Variants in DOK7 observed in about 807,000 individuals in gnomAD.
DOK7 encodes the protein docking protein 7.
Under a neutral mutation model 30.7 loss-of-function variants are expected in DOK7, and 32 were observed. The ratio of observed to expected loss-of-function variants is 1.04; its 90% CI spans 0.79 to 1.40. DOK7 has a LOEUF of 1.40. DOK7 is among the 40% of genes most tolerant of loss of function. DOK7 has a pLI of 0.00. For synonymous variants in DOK7, 447 were observed against 324.1 expected (o/e 1.38, Z -4.07); for missense variants, 1,007 against 699.2 (o/e 1.44, Z -4.97).
chr4:3,499,709 G>T (rs1487550256), intron 6 of DOK7, among the ~76,000 whole-genome samples: 1 of 152,120 alleles, frequency 6.6e-6, no homozygotes, highest in Non-Finnish European at 1.5e-5. Flanking sequence ...GTGTCCTGGA[G>T]GGGATGCAGA....
intron 2 of DOK7, 68 bp from the exon 3 acceptor site, chr4:3,473,338 C>A (rs1392723371): frequency 2.6e-6 from 4 of 1,528,724 alleles, no homozygotes; most frequent in Non-Finnish European, 3.6e-6. Context: ...GTCACGGCCT[C>A]CCCGGGGACG....
chr4:3,478,743 G>A (rs61590801), intron 4 of DOK7, among the ~76,000 whole-genome samples: 11,348 of 152,248 alleles, frequency 0.075, 822 homozygotes, highest in African/African-American at 0.18. Context: ...AGGCCAGGCT[G>A]GAAGGCTTGG....
At chr4:3,465,584 T>C (rs1038743568) in intron 2 of DOK7, among the ~76,000 whole-genome samples, 5 of 152,246 alleles carry the variant, frequency 3.3e-5, no homozygotes, top group Non-Finnish European at 7.3e-5. Context: ...GGCACCTTTC[T>C]CCTCCTTGCG....
At chr4:3,471,077 C>A (rs1299791639) in intron 2 of DOK7, among the ~76,000 whole-genome samples, 2 of 152,216 alleles carry the variant, frequency 1.3e-5, no homozygotes, top group Non-Finnish European at 2.9e-5. Flanking sequence ...CAGTGTGTGC[C>A]CCTTGCTGAG....
At chr4:3,484,784 C>G (rs3827767) in intron 4 of DOK7, 1 of 985,436 alleles carries the variant, frequency 1.0e-6, no homozygotes, top group South Asian at 4.7e-5. Context: ...GAAAGATGAC[C>G]GAGGAGGTGG....
chr4:3,490,302 G>A (rs1297799147), intron 6 of DOK7, among the ~76,000 whole-genome samples: 6 of 50,722 alleles, frequency 1.2e-4, no homozygotes, highest in Admixed American at 7.8e-4. Flanking sequence ...TTCTTCCTCC[G>A]CCCCCCCGGC....
Position 3,493,618 on chromosome 4 carries a change from G to A in DOK7, c.*117G>A. 2 of 1,504,560 alleles carry A rather than the reference G, an allele frequency of 1.3e-6. No homozygotes were observed. Among genetic ancestry groups the A allele is most frequent in the Non-Finnish European group, 1.8e-6 (2 of 1,123,870 alleles). The allele number at this position is 1,504,560 out of a possible 1,614,324, so 93.2% of individuals were successfully genotyped here. A position where few individuals can be genotyped will look rare whatever the true frequency, so the allele number is the denominator to read the frequency against. On this transcript the variant is annotated 3_prime_UTR_variant, in exon 7 of 7. Transcript: ENST00000340083. ...TCTGTGTTCTGTGGGAGGGACCGGG[G>A]GTCTCCCGGAGAGGGGAGCTGGAGG...
At chr4:3,492,146 G>A (rs1488005821) in intron 6 of DOK7, among the ~76,000 whole-genome samples, 1 of 152,220 alleles carries the variant, frequency 6.6e-6, no homozygotes, top group Admixed American at 6.5e-5. Flanking sequence ...GAGCACGGGA[G>A]GGGCCTGGCC....
chr4:3,463,582 C>T, intron 2 of DOK7, 31 bp downstream of exon 2: 1 of 1,016,154 alleles, frequency 9.8e-7, no homozygotes, highest in Non-Finnish European at 1.4e-6. Context: ...ACGGGGGGCG[C>T]GGGGGTAGCG....
At chr4:3,465,403 G>A (rs751668952) in intron 2 of DOK7, among the ~76,000 whole-genome samples, 5 of 152,212 alleles carry the variant, frequency 3.3e-5, no homozygotes, top group African/African-American at 4.8e-5. Flanking sequence ...TGGGCCCGGC[G>A]TGGAGGGAGC....
Position 3,492,688 on chromosome 4 carries a change from C to T in DOK7, c.773-71C>T, listed in dbSNP as rs1728559584. The T allele has an allele frequency of 7.5e-6, 12 of 1,590,918 alleles. No homozygotes were observed. In the South Asian group the frequency reaches 1.0e-4, roughly 13 times the overall value. On this transcript the variant is annotated intron_variant, in intron 6 of 6. Coordinates refer to ENST00000340083, the MANE Select transcript of DOK7 (RefSeq NM_173660.5). ...GAGAGTGCTGGCCTGTGGGGGTCCA[C>T]CAGGCATCAGCCACGTCCTGCCCAG... is the stretch of plus-strand genomic sequence containing the variant.
At position 3,493,130 on chromosome 4, in the gene DOK7, G is replaced by A. The variant is rs560463670; in HGVS notation, c.1144G>A (p.Glu382Lys). ...CAGCCTGCCAGCAGCGGGGGCCCCC[G>A]AGCCCAGCCTGTGCACCTGCCTGCC... ...LLSLPAAGAP[E>K]PSLCTCLPGT... Residue 382 changes from glutamate to lysine, a missense_variant, in exon 7 of 7, where the codon GAG becomes AAG. Glu to Lys is a moderately conservative substitution (Grantham distance 56). Transcript: ENST00000340083. The A allele has an allele frequency of 3.5e-4, 563 of 1,595,634 alleles. 4 individuals are homozygous for A. The South Asian group carries it at 4.2e-3, about 12-fold the overall frequency.
At position 3,480,697 on chromosome 4, in the gene DOK7, C is replaced by T. The variant is rs188263420; in HGVS notation, c.532+4155C>T. ...TGCCCAGCTCTGGAGAGCCCCCTGC[C>T]GGCCACCTTTGGCCACTGCAGCCTG... On this transcript the variant is annotated intron_variant, in intron 4 of 6. Transcript: ENST00000340083. Among the ~76,000 whole-genome samples, 292 of 152,364 alleles carry T rather than the reference C, an allele frequency of 1.9e-3. 2 individuals carry two copies. The highest frequency in any genetic ancestry group is 0.014 in the East Asian group (71 of 5,188).
downstream of DOK7, among the ~76,000 whole-genome samples, chr4:3,495,694 T>C (rs555920553): frequency 1.3e-5 from 2 of 152,212 alleles, no homozygotes; most frequent in African/African-American, 2.4e-5. Flanking sequence ...CTGGTTCTGT[T>C]TTCTTGACGG....
chr4:3,483,124 C>G, intron 4 of DOK7, among the ~76,000 whole-genome samples: 1 of 82,338 alleles, frequency 1.2e-5, no homozygotes, highest in Non-Finnish European at 2.4e-5. Flanking sequence ...AGGGTGGGGA[C>G]GGCAGCCTCC....
chr4:3,465,467 G>C, intron 2 of DOK7, among the ~76,000 whole-genome samples: 1 of 152,232 alleles, frequency 6.6e-6, no homozygotes, highest in South Asian at 2.1e-4. Flanking sequence ...CTGGTGTGAG[G>C]GAGAGAGGAA....
intron 6 of DOK7, among the ~76,000 whole-genome samples, chr4:3,490,082 A>ACCCCCTCATTCATTCCTTTCTTCC (rs1728121807): frequency 1.5e-5 from 1 of 67,004 alleles, no homozygotes. Flanking sequence ...TCCTTTCTTC[A>ACCCCCTCATTCATTCCTTTCTTCC]CCCCCTCATT....
exon 8 of DOK7, chr4:3,501,003 A>G (rs1729160132): frequency 1.0e-6 from 1 of 1,004,344 alleles, no homozygotes; most frequent in Non-Finnish European, 1.4e-6. Flanking sequence ...GCCCACGGCC[A>G]GGCCTCCTGC....
chr4:3,494,496 G>A, downstream of DOK7: 1 of 985,504 alleles, frequency 1.0e-6, no homozygotes. Context: ...CCTTGTCCTA[G>A]TCCGTTGCCC....
Sources: allele counts gnomAD v4.1 joint callset (sites outside exome capture counted in the v4.1 genomes callset), GRCh38; gene constraint gnomAD v4.1.1; transcripts MANE v1.5; gene names NCBI Gene and HGNC (gene_info 2026-07-23, HGNC 2026-07-21).